The following LAMB4 variants were observed in gnomAD, a reference collection of about 807,000 sequenced individuals.
The protein encoded by LAMB4 is laminin subunit beta 4.
LAMB4 carries 196 observed loss-of-function variants against 199.2 expected under a neutral mutation model. That is an observed-to-expected ratio of 0.98 (90% confidence interval 0.88 to 1.11). The LOEUF (loss-of-function observed/expected upper bound fraction) is 1.11. Ranked by LOEUF, LAMB4 falls within the 50% of genes least tolerant of loss-of-function variation. The pLI, the probability that LAMB4 is intolerant of heterozygous loss-of-function variation, is 0.00. For missense variants in LAMB4, 2,080 were observed against 2,171.2 expected (o/e 0.96, Z 0.83); for synonymous variants, 744 against 770.6 (o/e 0.97, Z 0.57).
intron 12 of LAMB4, 145 bp downstream of exon 12, chr7:108,095,083 A>T (rs902158136): frequency 2.6e-5 from 16 of 620,574 alleles, no homozygotes; most frequent in Middle Eastern, 4.1e-4. Flanking sequence ...GTGTTTGCTG[A>T]TTTCTGTAGT....
intron 29 of LAMB4, among the ~76,000 whole-genome samples, chr7:108,043,545 G>GTTTTTTTTTTTTTTTTTTTTTT (rs748169558): frequency 1.1e-4 from 6 of 55,994 alleles, no homozygotes; most frequent in Non-Finnish European, 1.7e-4. Context: ...TGGCTATGAT[G>GTTTTTTTTTTTTTTTTTTTTTT]TTTTTTTTTT....
chr7:108,089,080 G>A (rs1220708107), intron 14 of LAMB4, among the ~76,000 whole-genome samples: 9 of 152,182 alleles, frequency 5.9e-5, no homozygotes, highest in Non-Finnish European at 1.3e-4. Flanking sequence ...AGGGCACTAA[G>A]TGAAAATGCT....
chr7:108,055,572 T>G, intron 25 of LAMB4, 60 bp downstream of exon 25: 1 of 1,505,630 alleles, frequency 6.6e-7, no homozygotes, highest in African/African-American at 1.4e-5. Flanking sequence ...ATGTTAAAGC[T>G]TGGTGGGAGT....
chr7:108,027,994 G>A (rs2034896296), intron 33 of LAMB4, among the ~76,000 whole-genome samples: 1 of 152,084 alleles, frequency 6.6e-6, no homozygotes, highest in Admixed American at 6.5e-5. Flanking sequence ...ATATTGGCCA[G>A]GCTGGTCTCA....
downstream of LAMB4, among the ~76,000 whole-genome samples, chr7:108,022,554 C>T (rs770266854): frequency 4.9e-4 from 74 of 152,086 alleles, no homozygotes; most frequent in Admixed American, 1.7e-3. Context: ...TCTGGCATTA[C>T]TGAGGAATGA....
chr7:108,109,419 T>C (rs1451135279), intron 4 of LAMB4, among the ~76,000 whole-genome samples, 175 bp from the exon 5 acceptor site: 1 of 152,230 alleles, frequency 6.6e-6, no homozygotes, highest in Non-Finnish European at 1.5e-5. Context: ...CCAGGAGGTA[T>C]GCAGAGCAAG....
At chr7:108,056,869 CTGAGG>C (rs2036000942) in intron 24 of LAMB4, among the ~76,000 whole-genome samples, 1 of 150,914 alleles carries the variant, frequency 6.6e-6, no homozygotes, top group African/African-American at 2.4e-5. Flanking sequence ...ACTCTGGAGG[CTGAGG>C]TGGGAGGATC....
chr7:108,075,973 A>G (rs1007564326), intron 17 of LAMB4: 4 of 154,186 alleles, frequency 2.6e-5, no homozygotes, highest in Admixed American at 2.0e-4. Context: ...CAGAAAAAAA[A>G]TGAATTGGAA....
At chr7:108,046,349 C>T (rs967642133) in intron 28 of LAMB4, among the ~76,000 whole-genome samples, 3 of 151,626 alleles carry the variant, frequency 2.0e-5, no homozygotes, top group African/African-American at 7.3e-5. Flanking sequence ...CATCGGCCTC[C>T]CAAAGTGCTG....
chr7:108,064,037 AGAG>A (rs1472695295), intron 21 of LAMB4, 52 bp from the exon 22 acceptor site: 4 of 1,288,100 alleles, frequency 3.1e-6, no homozygotes, highest in Non-Finnish European at 4.5e-6. Context: ...GTGTTGGGAG[AGAG>A]GAGGAGATGG....
At chr7:108,058,030 A>C in intron 23 of LAMB4, 102 bp from the exon 24 acceptor site, 1 of 761,418 alleles carries the variant, frequency 1.3e-6, no homozygotes, top group Admixed American at 2.1e-5. Flanking sequence ...TAGAACATAC[A>C]GCTGTGCAAA....
chr7:108,112,498 G>GT (rs1422673201), intron 3 of LAMB4, among the ~76,000 whole-genome samples: 7 of 125,242 alleles, frequency 5.6e-5, no homozygotes, highest in African/African-American at 8.4e-5. Flanking sequence ...TCACCATGTT[G>GT]GCAGGCTGGG....
chr7:108,022,866 G>T (rs972595007), downstream of LAMB4, among the ~76,000 whole-genome samples: 6 of 152,164 alleles, frequency 3.9e-5, no homozygotes, highest in Non-Finnish European at 7.3e-5. Flanking sequence ...AGGCTAGAGT[G>T]CAGTGGCTTG....
Position 108,048,015 on chromosome 7 carries a change from C to A in LAMB4, c.4219G>T (p.Gly1407Cys), listed in dbSNP as rs765269613. 6.2e-7 allele frequency: 1 copy of A among 1,614,178 alleles called. No homozygotes were observed. The highest frequency in any genetic ancestry group is 8.5e-7 in the Non-Finnish European group (1 of 1,180,010). ...GAGAGGGTCAGGGAGCCGTGACAGC[C>A]GGGACCCCTACACTTCCTGTGCCCC... Reference protein sequence around the residue: ...RKGHRKCRGPGCHGSLTLSTN... With the variant: ...RKGHRKCRGPCCHGSLTLSTN... Residue 1407 changes from glycine (G) to cysteine (C), a missense_variant, in exon 28 of 34, where the codon GGC becomes TGC. Transcript: ENST00000388781.
chr7:108,045,916 A>T (rs533925304), intron 28 of LAMB4, among the ~76,000 whole-genome samples: 2 of 152,028 alleles, frequency 1.3e-5, no homozygotes, highest in South Asian at 4.2e-4. Flanking sequence ...TTGCTCAAGG[A>T]TATAGGGGGT....
At chr7:108,049,616 T>A in intron 26 of LAMB4, 85 bp from the exon 27 acceptor site, 1 of 758,092 alleles carries the variant, frequency 1.3e-6, no homozygotes, top group Non-Finnish European at 2.0e-6. Flanking sequence ...CATTCTATAA[T>A]TTGGCTACTG....
In LAMB4 at chr7:108,096,698, G is replaced by A. The variant is rs114594593; in HGVS notation, c.1361-1361C>T. Among the ~76,000 whole-genome samples the A allele has an allele frequency of 9.3e-4, 140 of 151,210 alleles. 1 individual carries two copies. Among genetic ancestry groups the A allele is most frequent in the African/African-American group, 3.2e-3 (131 of 41,168 alleles). On this transcript the variant is annotated intron_variant, in intron 11 of 33. Transcript: ENST00000388781. ...TAGAATCCCAGCACTTTGGGAAGGT[G>A]AGGCGGAAGGGTTGCTTGGGATCAG...
At chr7:108,127,980 G>T (rs1186303357) in intron 1 of LAMB4, among the ~76,000 whole-genome samples, 6 of 152,140 alleles carry the variant, frequency 3.9e-5, no homozygotes, top group Non-Finnish European at 8.8e-5. Flanking sequence ...AGAGTTCCAA[G>T]CTAAGGAATC....
At chr7:108,123,247 C>T in intron 1 of LAMB4, 50 bp from the exon 2 acceptor site, 1 of 1,131,488 alleles carries the variant, frequency 8.8e-7, no homozygotes, top group South Asian at 1.4e-5. Flanking sequence ...AAATAATTGC[C>T]ATCATCACAT....
Sources: gnomAD v4.1 joint callset for allele counts (sites outside exome capture counted in the v4.1 genomes callset) on GRCh38, gnomAD v4.1.1 for gene constraint, MANE v1.5 for transcripts, NCBI Gene and HGNC (gene_info 2026-07-23, HGNC 2026-07-21) for gene names.